CRYBG3: variants seen among roughly 807,000 people sequenced by gnomAD.
CRYBG3 encodes the protein very large A-kinase anchor protein.
CRYBG3 carries 127 observed loss-of-function variants against 244.2 expected under a neutral mutation model. The observed-to-expected ratio is 0.52, with a 90% CI of 0.45 to 0.60. CRYBG3 has a LOEUF of 0.60. CRYBG3 is among the 20% of genes least tolerant of loss of function. CRYBG3 has a pLI of 0.00. For missense variants in CRYBG3, 3,325 were observed against 3,442.5 expected, an observed-to-expected ratio of 0.97 and a Z score of 0.85; for synonymous variants, 1,132 against 1,195.8, an observed-to-expected ratio of 0.95 and a Z score of 1.10.
chr3:97,842,156 C>T (rs1052274424), intron 1 of CRYBG3, among the ~76,000 whole-genome samples: 3 of 152,108 alleles, frequency 2.0e-5, no homozygotes. Flanking sequence ...TAAGGCTAAG[C>T]AGAATCCTTG....
chr3:97,876,396 G>A lies in CRYBG3; in HGVS notation c.5202G>A (p.Val1734=). 8.1e-7 allele frequency: 1 copy of A among 1,232,134 alleles called. No individual in the cohort carries two copies. The allele number at this position is 1,232,134 out of a possible 1,614,324, so 76.3% of individuals were successfully genotyped here. A position where few individuals can be genotyped will look rare whatever the true frequency, so the allele number is the denominator to read the frequency against. The part of the protein sequence containing the change: ...GDIGKAEVMP[V]RLEMENTYPK... ...TTGGAAAGGCTGAAGTGATGCCTGT[G>A]AGGTTAGAAATGGAAAATACTTACC... The change falls in exon 4 of 22, where the codon GTG becomes GTA. Residue 1734 remains valine (V), a synonymous_variant. Transcript: ENST00000389622.
chr3:97,865,028 G>A (rs759406482), intron 3 of CRYBG3, among the ~76,000 whole-genome samples: 3 of 152,020 alleles, frequency 2.0e-5, no homozygotes, highest in Non-Finnish European at 4.4e-5. Context: ...TTTAATTAAA[G>A]CCATTAAGAA....
intron 11 of CRYBG3, among the ~76,000 whole-genome samples, chr3:97,894,686 T>C (rs545239654): frequency 3.3e-5 from 5 of 152,306 alleles, no homozygotes; most frequent in Admixed American, 3.3e-4. Flanking sequence ...TTAAGGTCTT[T>C]TATACCTTTT....
In CRYBG3 at chr3:97,901,681, T is replaced by C. The variant is rs375146993; in HGVS notation, c.8004+1196T>C. 2.2e-4 allele frequency among the ~76,000 whole-genome samples: 34 copies of C among 152,324 alleles called. 2 individuals are homozygous for C. In the East Asian group the frequency reaches 2.7e-3, roughly 12 times the overall value. On this transcript the variant is annotated intron_variant, in intron 15 of 21. Transcript: ENST00000389622. ...AGAAGAAAGAGAAGTTATTTCAAAC[T>C]GCACATTTTTTGAGTTCTAAGTACA...
intron 17 of CRYBG3, among the ~76,000 whole-genome samples, chr3:97,925,646 A>C (rs1309205690): frequency 6.6e-6 from 1 of 152,096 alleles, no homozygotes; most frequent in Non-Finnish European, 1.5e-5. Flanking sequence ...CCATTAATAG[A>C]AACAGAAAAA....
chr3:97,856,296 G>C (rs1346692901), intron 2 of CRYBG3, among the ~76,000 whole-genome samples: 2 of 152,082 alleles, frequency 1.3e-5, no homozygotes, highest in Non-Finnish European at 2.9e-5. Flanking sequence ...CTGTTATCCT[G>C]TTCTTTTTTC....
chr3:97,915,549 A>G lies in CRYBG3; in HGVS notation c.8115-61A>G, dbSNP rs2039919733. ...CCTACCCCAATTCCCACAGCATGAT[A>G]ATGAGCCTATACTGCCAAGTGAATG... On this transcript the variant is annotated intron_variant, in intron 16 of 21. Coordinates refer to ENST00000389622, the MANE Select transcript of CRYBG3 (RefSeq NM_153605.4). The G allele has an allele frequency of 3.3e-6, 5 of 1,533,394 alleles. No homozygotes were observed. The Admixed American group carries it at 7.2e-5, about 22-fold the overall frequency. 95.0% of individuals were successfully genotyped at this position (1,533,394 alleles called of 1,614,324 possible).
intron 17 of CRYBG3, among the ~76,000 whole-genome samples, chr3:97,928,818 G>A (rs761707895): frequency 7.6e-4 from 115 of 151,728 alleles, no homozygotes; most frequent in Admixed American, 3.3e-4. Flanking sequence ...TGTTGACTAG[G>A]AAAAAAATTT....
chr3:97,908,716 G>C (rs1009819637), intron 15 of CRYBG3, among the ~76,000 whole-genome samples: 13 of 152,262 alleles, frequency 8.5e-5, no homozygotes, highest in South Asian at 2.1e-4. Context: ...GCCAGTCTGT[G>C]TCTTTTAATT....
intron 17 of CRYBG3, chr3:97,933,395 C>G (rs1433718634): frequency 2.4e-6 from 1 of 411,478 alleles, no homozygotes; most frequent in Non-Finnish European, 4.6e-6. Flanking sequence ...GTCCATATTA[C>G]AGTACCACAA....
In CRYBG3 at chr3:97,877,720, C is replaced by T. The variant is rs2039397806; in HGVS notation, c.6526C>T (p.Pro2176Ser). ...TGGGGAGCGTGTTACCTTCCAGTTG[C>T]CAGATCCTTCCATCACATTTTACCC... Reference protein sequence around the residue: ...GSGERVTFQLPDPSITFYPDD... With the variant: ...GSGERVTFQLSDPSITFYPDD... The change falls in exon 4 of 22, where the codon CCA becomes TCA. Residue 2176 changes from proline (P) to serine (S), a missense_variant. By Grantham distance (74) the Pro-to-Ser change is moderately conservative. This residue lies in a region of CRYBG3 where 450 missense variants were observed against 424.1 expected (regional missense o/e 1.06). Coordinates refer to ENST00000389622, the MANE Select transcript of CRYBG3 (RefSeq NM_153605.4). 6.2e-7 allele frequency: 1 copy of T among 1,613,890 alleles called. No individual in the cohort carries two copies. The highest frequency in any genetic ancestry group is 1.1e-5 in the South Asian group (1 of 91,068).
Position 97,842,272 on chromosome 3 carries a change from A to G in CRYBG3, c.150-923A>G, listed in dbSNP as rs181658622. ...TGTTTGAACAGAGATATAAATATTT[A>G]GTTCTGGAAGCTGGGCGTAGTGACT... On this transcript the variant is annotated intron_variant, in intron 1 of 21. Coordinates refer to ENST00000389622, the MANE Select transcript of CRYBG3 (RefSeq NM_153605.4). Among the ~76,000 whole-genome samples, 413 of 152,266 alleles carry G rather than the reference A, an allele frequency of 2.7e-3. 2 individuals carry two copies. The highest frequency in any genetic ancestry group is 9.7e-3 in the African/African-American group (402 of 41,574).
intron 6 of CRYBG3, 98 bp from the exon 7 acceptor site, chr3:97,880,974 A>C: frequency 1.1e-6 from 1 of 898,172 alleles, no homozygotes; most frequent in Non-Finnish European, 1.6e-6. Context: ...AAGATATCCC[A>C]GCTTAAAAAA....
chr3:97,929,200 C>CA (rs1213062557), intron 17 of CRYBG3, among the ~76,000 whole-genome samples: 1 of 151,960 alleles, frequency 6.6e-6, no homozygotes, highest in Non-Finnish European at 1.5e-5. Flanking sequence ...CCTTTAGCCA[C>CA]AAATGGTTGG....
chr3:97,912,173 G>A lies in CRYBG3; in HGVS notation c.8011G>A (p.Ala2671Thr), dbSNP rs777229304. The change falls in exon 16 of 22, where the codon GCA becomes ACA. Residue 2671 changes from alanine to threonine, a missense_variant. Ala to Thr is a moderately conservative substitution (Grantham distance 58, BLOSUM62 0). Coordinates refer to ENST00000389622, the MANE Select transcript of CRYBG3 (RefSeq NM_153605.4). ...GINEPPHLLK[A>T]FSKPGFQGEC... ...TGTGTTGTTGTTCTTGTAGCTCAAA[G>A]CATTCAGCAAACCAGGGTTCCAAGG... 56 of 1,582,536 alleles carry A rather than the reference G, an allele frequency of 3.5e-5. No individual in the cohort carries two copies. The African/African-American group carries it at 4.6e-4, about 13-fold the overall frequency.
At chr3:97,912,633 A>T (rs2039885317) in intron 16 of CRYBG3, among the ~76,000 whole-genome samples, 1 of 152,102 alleles carries the variant, frequency 6.6e-6, no homozygotes. Flanking sequence ...ATTAATCCTA[A>T]TTTTTTTAAC....
chr3:97,900,351 A>G, intron 14 of CRYBG3, 102 bp from the exon 15 acceptor site: 5 of 717,350 alleles, frequency 7.0e-6, no homozygotes, highest in Non-Finnish European at 1.2e-5. Context: ...CTGTCTCAAA[A>G]AAGAAAAGAA....
chr3:97,914,701 A>AT lies in CRYBG3; in HGVS notation c.8115-908dup, dbSNP rs545213930. On this transcript the variant is annotated intron_variant, in intron 16 of 21. Transcript: ENST00000389622. ...CTAAATAAAATAATGCACTAGCTTT[A>AT]TGCCTGGCACACTAGAAACCTTTGA... is the stretch of plus-strand genomic sequence containing the variant. 1.2e-4 allele frequency among the ~76,000 whole-genome samples: 19 copies of AT among 152,350 alleles called. No homozygotes were observed. In the South Asian group the frequency reaches 3.5e-3, roughly 28 times the overall value.
intron 1 of CRYBG3, among the ~76,000 whole-genome samples, chr3:97,833,872 G>T (rs915577487): frequency 1.3e-5 from 2 of 152,086 alleles, no homozygotes; most frequent in African/African-American, 2.4e-5. Context: ...TTAAGATTGG[G>T]CATCTGCATC....
Sources: allele counts gnomAD v4.1 joint callset (sites outside exome capture counted in the v4.1 genomes callset), GRCh38; gene constraint gnomAD v4.1.1; regional missense constraint gnomAD v4.1.1; transcripts MANE v1.5; gene names NCBI Gene and HGNC (gene_info 2026-07-23, HGNC 2026-07-21).